The following FANCB variants were observed in gnomAD, a reference collection of about 807,000 sequenced individuals.
FANCB encodes Fanconi anemia group B protein.
FANCB carries 5 observed loss-of-function variants against 38.9 expected under a neutral mutation model. That is an observed-to-expected ratio of 0.13 (90% confidence interval 0.07 to 0.27). The LOEUF is 0.27. Among genes scored for constraint, FANCB ranks in the 10% least tolerant of loss-of-function variants. The pLI, the probability that FANCB is intolerant of heterozygous loss-of-function variation, is 1.00. For missense variants in FANCB, 573 were observed against 602.7 expected, an observed-to-expected ratio of 0.95 and a Z score of 0.52; for synonymous variants, 236 against 215.4, an observed-to-expected ratio of 1.10 and a Z score of -0.84.
chrX:14,766,567 T>C, the FANCB span, among the ~76,000 whole-genome samples: 1 of 112,078 alleles, frequency 8.9e-6, no homozygotes, highest in Admixed American at 9.5e-5. Flanking sequence ...AAGGCAAACA[T>C]TTGAAGAGCA....
At chrX:14,831,178 A>C (rs995194528), downstream of FANCB, among the ~76,000 whole-genome samples, 1 of 112,054 alleles carries the variant, frequency 8.9e-6, no homozygotes, top group African/African-American at 3.2e-5. Context: ...TCATTCATTC[A>C]TGTTTTCTTG....
chrX:14,818,603 C>T, the FANCB span, among the ~76,000 whole-genome samples: 1 of 110,714 alleles, frequency 9.0e-6, no homozygotes, highest in South Asian at 3.8e-4. Flanking sequence ...GAAAATGGTC[C>T]AAACTGCTCT....
intron 5 of FANCB, among the ~76,000 whole-genome samples, chrX:14,854,128 T>C (rs2092413417): frequency 8.9e-6 from 1 of 111,825 alleles, no homozygotes; most frequent in African/African-American, 3.3e-5. Flanking sequence ...GTATGTAAAG[T>C]GTCTAGCTAA....
the FANCB span, among the ~76,000 whole-genome samples, chrX:14,792,818 T>C: frequency 9.0e-6 from 1 of 111,656 alleles, no homozygotes; most frequent in Non-Finnish European, 1.9e-5. Context: ...GCATTAGTTG[T>C]ATTTCACGGT....
chrX:14,736,832 C>T, the FANCB span, among the ~76,000 whole-genome samples: 2 of 111,600 alleles, frequency 1.8e-5, no homozygotes, highest in African/African-American at 6.5e-5. Flanking sequence ...ATGTTTTTCT[C>T]GTTGTAGAAA....
the FANCB span, among the ~76,000 whole-genome samples, chrX:14,698,130 T>C: frequency 8.9e-6 from 1 of 111,982 alleles, no homozygotes; most frequent in Non-Finnish European, 1.9e-5. Context: ...GTCACACAAG[T>C]ACAGGGTCAG....
At chrX:14,859,543 C>G (rs773060089) in intron 3 of FANCB, among the ~76,000 whole-genome samples, 6 of 111,891 alleles carry the variant, frequency 5.4e-5, no homozygotes, top group African/African-American at 1.9e-4. Context: ...TAGCAAGGTA[C>G]TTAGATTTAA....
the FANCB span, chrX:14,690,581 T>A: frequency 2.1e-6 from 1 of 466,916 alleles, no homozygotes; most frequent in African/African-American, 2.4e-5. Context: ...TGGAAAATCA[T>A]TGACCAAGGA....
the FANCB span, among the ~76,000 whole-genome samples, chrX:14,736,231 C>T: frequency 9.1e-6 from 1 of 110,449 alleles, no homozygotes; most frequent in African/African-American, 3.3e-5. Flanking sequence ...GCCCCCTTTC[C>T]AGTGGAGTGA....
the FANCB span, among the ~76,000 whole-genome samples, chrX:14,823,029 A>T: frequency 9.5e-6 from 1 of 104,936 alleles, no homozygotes; most frequent in Non-Finnish European, 2.0e-5. Context: ...TCGCTATGCT[A>T]GTTTGCTTTG....
chrX:14,738,368 G>T, the FANCB span, among the ~76,000 whole-genome samples: 2 of 111,900 alleles, frequency 1.8e-5, no homozygotes, highest in Non-Finnish European at 3.8e-5. Context: ...TACAATTATG[G>T]CTCTGAGGAA....
chrX:14,708,956 AAGAG>A, the FANCB span, among the ~76,000 whole-genome samples: 2,938 of 111,720 alleles, frequency 0.026, 96 homozygotes, highest in African/African-American at 0.09. Context: ...AGAAAAAAAA[AAGAG>A]AGAGAGACAG....
At chrX:14,743,257 T>C in the FANCB span, among the ~76,000 whole-genome samples, 1 of 111,923 alleles carries the variant, frequency 8.9e-6, no homozygotes, top group Non-Finnish European at 1.9e-5. Flanking sequence ...GCAATGTTTA[T>C]AAGATGAGAA....
the FANCB span, among the ~76,000 whole-genome samples, chrX:14,699,893 C>CCACT: frequency 8.9e-6 from 1 of 111,902 alleles, no homozygotes; most frequent in African/African-American, 3.3e-5. Context: ...AAACCAAATA[C>CCACT]CACTCATTCT....
chrX:14,765,097 C>A, the FANCB span, among the ~76,000 whole-genome samples: 1 of 111,871 alleles, frequency 8.9e-6, no homozygotes, highest in Non-Finnish European at 1.9e-5. Context: ...ATCTGAAATT[C>A]AAATTTAACT....
At chrX:14,731,969 G>A in the FANCB span, among the ~76,000 whole-genome samples, 1 of 109,551 alleles carries the variant, frequency 9.1e-6, no homozygotes, top group African/African-American at 3.3e-5. Context: ...GTGCCATGGT[G>A]GTTTTCTGCA....
chrX:14,774,321 A>G, the FANCB span, among the ~76,000 whole-genome samples: 1 of 112,010 alleles, frequency 8.9e-6, no homozygotes, highest in Admixed American at 9.5e-5. Flanking sequence ...AATGTTCAAA[A>G]TTATTTTAAA....
chrX:14,828,590 T>A, the FANCB span, among the ~76,000 whole-genome samples: 1 of 112,234 alleles, frequency 8.9e-6, no homozygotes, highest in Non-Finnish European at 1.9e-5. Context: ...CAGGCTTCAC[T>A]TCTAGTGCTA....
chrX:14,823,079 C>CTTTTTT, the FANCB span, among the ~76,000 whole-genome samples: 59 of 71,097 alleles, frequency 8.3e-4, 1 homozygote, highest in East Asian at 4.8e-3. Context: ...TACCCTTTTA[C>CTTTTTT]TTTTTTTTTT....
Sources: gnomAD v4.1 joint callset for allele counts (sites outside exome capture counted in the v4.1 genomes callset) on GRCh38, gnomAD v4.1.1 for gene constraint, MANE v1.5 for transcripts, NCBI Gene and HGNC (gene_info 2026-07-23, HGNC 2026-07-21) for gene names.